KCNMB2: variants seen among roughly 807,000 people sequenced by gnomAD.
The protein encoded by KCNMB2 is potassium calcium-activated channel subfamily M regulatory beta subunit 2.
KCNMB2 carries 9 observed loss-of-function variants against 24.5 expected under a neutral mutation model. The observed-to-expected ratio is 0.37, with a 90% CI of 0.22 to 0.64. KCNMB2 has a LOEUF of 0.64. Among genes scored for constraint, KCNMB2 ranks in the 30% least tolerant of loss-of-function variants. The pLI is 0.63. For missense variants in KCNMB2, 226 were observed against 284.3 expected (o/e 0.79, Z 1.47); for synonymous variants, 109 against 104.4 (o/e 1.04, Z -0.27).
At chr3:178,593,747 T>C (rs1717765668) in intron 1 of KCNMB2, among the ~76,000 whole-genome samples, 2 of 151,600 alleles carry the variant, frequency 1.3e-5, no homozygotes, top group South Asian at 2.1e-4. Context: ...CGTGTTGCAA[T>C]GTCCTTCCAA....
chr3:178,730,098 T>C (rs1723094550), intron 1 of KCNMB2, among the ~76,000 whole-genome samples: 2 of 152,142 alleles, frequency 1.3e-5, no homozygotes, highest in South Asian at 2.1e-4. Flanking sequence ...TCCACACTCA[T>C]TGGCCTCAAC....
At chr3:178,770,800 C>G (rs767740239) in intron 1 of KCNMB2, among the ~76,000 whole-genome samples, 1 of 152,210 alleles carries the variant, frequency 6.6e-6, no homozygotes, top group Non-Finnish European at 1.5e-5. Context: ...CCACTCCAAG[C>G]TATTGTATTA....
At chr3:178,682,824 C>T (rs1487163795) in intron 1 of KCNMB2, among the ~76,000 whole-genome samples, 1 of 151,754 alleles carries the variant, frequency 6.6e-6, no homozygotes, top group Non-Finnish European at 1.5e-5. Context: ...GATACCATCT[C>T]ACATCAGTCA....
At chr3:178,637,388 T>C (rs1379271105) in intron 1 of KCNMB2, among the ~76,000 whole-genome samples, 1 of 152,202 alleles carries the variant, frequency 6.6e-6, no homozygotes, top group African/African-American at 2.4e-5. Flanking sequence ...TGTTTCCTAT[T>C]TTCTTTTCTT....
chr3:178,675,055 T>TA, intron 1 of KCNMB2, among the ~76,000 whole-genome samples: 1 of 152,206 alleles, frequency 6.6e-6, no homozygotes, highest in South Asian at 2.1e-4. Flanking sequence ...AGGACAGAAA[T>TA]AGTCTTATTG....
intron 1 of KCNMB2, among the ~76,000 whole-genome samples, chr3:178,587,758 G>A (rs1216398571): frequency 6.8e-6 from 1 of 147,362 alleles, no homozygotes; most frequent in African/African-American, 2.5e-5. Context: ...TTTTTTATAC[G>A]TTAAGTTTTA....
Position 178,614,228 on chromosome 3 carries a change from A to G in KCNMB2, c.-68+77517A>G, listed in dbSNP as rs1395112848. Among the ~76,000 whole-genome samples, 6 of 123,738 alleles carry G rather than the reference A, an allele frequency of 4.8e-5. No individual in the cohort carries two copies. In the Admixed American group the frequency reaches 5.2e-4, roughly 11 times the overall value. 81.2% of individuals were successfully genotyped at this position (123,738 alleles called of 152,430 possible). On this transcript the variant is annotated intron_variant, in intron 1 of 4. Transcript: ENST00000452583. ...GTTTTCACACTGCTGATAAAGACAT[A>G]CCTAAGACTGGGCTAATTTTATATA...
At chr3:178,542,840 C>T (rs1389476239) in intron 1 of KCNMB2, among the ~76,000 whole-genome samples, 3 of 152,126 alleles carry the variant, frequency 2.0e-5, no homozygotes, top group African/African-American at 7.2e-5. Context: ...AGTTTCACAG[C>T]CCTGAATATC....
At chr3:178,663,414 A>C (rs1374674956) in intron 1 of KCNMB2, among the ~76,000 whole-genome samples, 1 of 152,098 alleles carries the variant, frequency 6.6e-6, no homozygotes, top group African/African-American at 2.4e-5. Flanking sequence ...ATGACATCAC[A>C]CTTGCCTCCA....
intron 1 of KCNMB2, among the ~76,000 whole-genome samples, chr3:178,614,874 G>T (rs1462782001): frequency 6.6e-6 from 1 of 152,132 alleles, no homozygotes; most frequent in African/African-American, 2.4e-5. Context: ...GGTATTTATT[G>T]TAGTCTTCAC....
rs75557631 is a variant in KCNMB2, at chr3:178,765,818, C to T, written c.-67-41525C>T. Among the ~76,000 whole-genome samples, 1,199 of 152,264 alleles carry T rather than the reference C, an allele frequency of 7.9e-3. 15 individuals carry two copies. Among genetic ancestry groups the T allele is most frequent in the African/African-American group, 0.028 (1,166 of 41,532 alleles). On this transcript the variant is annotated intron_variant, in intron 1 of 4. Transcript: ENST00000452583. Reference sequence around the variant, plus strand: ...TATCCTAGACCATCTTCCTGTTCATCGAGCCCTCAATCCCACCCATCTCTA... The same window carrying T: ...TATCCTAGACCATCTTCCTGTTCATTGAGCCCTCAATCCCACCCATCTCTA...
At chr3:178,720,991 T>C (rs1722785620) in intron 1 of KCNMB2, among the ~76,000 whole-genome samples, 1 of 151,712 alleles carries the variant, frequency 6.6e-6, no homozygotes, top group East Asian at 1.9e-4. Context: ...AGATCCCATT[T>C]GTCAATTTTG....
chr3:178,813,962 T>C (rs2108457827), intron 2 of KCNMB2, among the ~76,000 whole-genome samples: 1 of 144,916 alleles, frequency 6.9e-6, no homozygotes, highest in South Asian at 2.1e-4. Context: ...GTTGTTGTTG[T>C]TGTTGTTGTT....
chr3:178,579,660 T>C (rs1314290039), intron 1 of KCNMB2, among the ~76,000 whole-genome samples: 2 of 151,986 alleles, frequency 1.3e-5, no homozygotes, highest in African/African-American at 4.8e-5. Context: ...AAGAATCAAA[T>C]AGACACAATA....
chr3:178,617,252 A>C (rs1383248305), intron 1 of KCNMB2, among the ~76,000 whole-genome samples: 2 of 152,206 alleles, frequency 1.3e-5, no homozygotes, highest in Admixed American at 1.3e-4. Flanking sequence ...ACCATCTAAA[A>C]AAATTAAATG....
At chr3:178,775,812 G>A (rs999442357) in intron 1 of KCNMB2, among the ~76,000 whole-genome samples, 1 of 152,100 alleles carries the variant, frequency 6.6e-6, no homozygotes, top group African/African-American at 2.4e-5. Context: ...CTCCTCTGGG[G>A]CTCCCAAGAA....
intron 1 of KCNMB2, among the ~76,000 whole-genome samples, chr3:178,546,872 G>T (rs1360418158): frequency 2.0e-5 from 3 of 152,200 alleles, no homozygotes; most frequent in Non-Finnish European, 4.4e-5. Context: ...CAAGAAGCCA[G>T]ATGAAAGTCT....
Position 178,844,098 on chromosome 3 carries a change from TA to T in KCNMB2, c.*1162del, listed in dbSNP as rs1715524162. The stretch of plus-strand genomic sequence containing the variant: ...TAAAGAAAGCCTTTGTTCACATTGC[TA>T]TTTACTTTTGTGTTTGGGGGAAAAT... On this transcript the variant is annotated 3_prime_UTR_variant, in exon 5 of 5. Transcript: ENST00000452583. 2 of 152,578 alleles carry T rather than the reference TA, an allele frequency of 1.3e-5. No homozygotes were observed. The allele number at this position is 152,578 out of a possible 1,614,324, so 9.5% of individuals were successfully genotyped here. A position where few individuals can be genotyped will look rare whatever the true frequency, so the allele number is the denominator to read the frequency against.
At chr3:178,740,182 G>A (rs542417503) in intron 1 of KCNMB2, among the ~76,000 whole-genome samples, 11 of 151,122 alleles carry the variant, frequency 7.3e-5, no homozygotes, top group East Asian at 5.9e-4. Context: ...GCAATGGTGC[G>A]ATCTCAGCTC....
Sources: allele counts gnomAD v4.1 joint callset (sites outside exome capture counted in the v4.1 genomes callset), GRCh38; gene constraint gnomAD v4.1.1; transcripts MANE v1.5; gene names NCBI Gene and HGNC (gene_info 2026-07-23, HGNC 2026-07-21).